Variants in VTI1A observed in about 807,000 individuals in gnomAD.
The protein encoded by VTI1A is vesicle transport through interaction with t-SNAREs homolog 1A.
VTI1A carries 22 observed loss-of-function variants against 34.9 expected under a neutral mutation model. The observed-to-expected ratio is 0.63, with a 90% CI of 0.45 to 0.90. The LOEUF (loss-of-function observed/expected upper bound fraction) is 0.90. Ranked by LOEUF, VTI1A falls within the 40% of genes least tolerant of loss-of-function variation. The pLI is 0.00. For synonymous variants in VTI1A, 87 were observed against 97.3 expected (o/e 0.89, Z 0.62); for missense variants, 268 against 275.6 (o/e 0.97, Z 0.20).
At chr10:112,631,077 C>T (rs952605216) in intron 5 of VTI1A, among the ~76,000 whole-genome samples, 4 of 151,782 alleles carry the variant, frequency 2.6e-5, no homozygotes, top group South Asian at 4.2e-4. Flanking sequence ...TGCAGTGAGC[C>T]GAGATCGCGC....
chr10:112,575,109 C>T (rs968192804), intron 5 of VTI1A, among the ~76,000 whole-genome samples: 1 of 152,222 alleles, frequency 6.6e-6, no homozygotes, highest in Non-Finnish European at 1.5e-5. Flanking sequence ...TCCATGACCA[C>T]AAGGACCTTG....
At chr10:112,652,718 C>T (rs935187113) in intron 5 of VTI1A, among the ~76,000 whole-genome samples, 2 of 50,452 alleles carry the variant, frequency 4.0e-5, no homozygotes, top group South Asian at 2.3e-3. Flanking sequence ...CAGAGTGAGA[C>T]CTTGTCTCAA....
intron 5 of VTI1A, among the ~76,000 whole-genome samples, chr10:112,665,095 C>G (rs1361707872): frequency 6.6e-6 from 1 of 152,128 alleles, no homozygotes; most frequent in Non-Finnish European, 1.5e-5. Context: ...TGGCTTAGGC[C>G]TCTGAGCTTG....
At chr10:112,813,792 G>T (rs929778277) in intron 7 of VTI1A, among the ~76,000 whole-genome samples, 1 of 152,184 alleles carries the variant, frequency 6.6e-6, no homozygotes, top group Non-Finnish European at 1.5e-5. Flanking sequence ...AGTGGGGAAG[G>T]GAAGAACTAA....
At chr10:112,781,012 T>C (rs1852106832) in intron 7 of VTI1A, among the ~76,000 whole-genome samples, 1 of 152,162 alleles carries the variant, frequency 6.6e-6, no homozygotes, top group African/African-American at 2.4e-5. Context: ...CAGGCTGATC[T>C]CGGCTCACTG....
chr10:112,821,889 T>C (rs1010065736), downstream of VTI1A, among the ~76,000 whole-genome samples: 1 of 152,130 alleles, frequency 6.6e-6, no homozygotes, highest in African/African-American at 2.4e-5. Context: ...GGTCAAGGCC[T>C]TGACCCTTTG....
chr10:112,458,631 AATAATT>A (rs1351941424), intron 1 of VTI1A, among the ~76,000 whole-genome samples: 1 of 151,100 alleles, frequency 6.6e-6, no homozygotes, highest in African/African-American at 2.4e-5. Context: ...GTTTTAGTGA[AATAATT>A]ATATATATAT....
chr10:112,637,937 C>G (rs562360322), intron 5 of VTI1A, among the ~76,000 whole-genome samples: 5 of 152,178 alleles, frequency 3.3e-5, no homozygotes, highest in Non-Finnish European at 5.9e-5. Flanking sequence ...ACTTGACACA[C>G]AATGCTTTGG....
intron 7 of VTI1A, among the ~76,000 whole-genome samples, chr10:112,753,211 TAATC>T (rs1851165596): frequency 6.6e-6 from 1 of 151,804 alleles, no homozygotes; most frequent in Admixed American, 6.6e-5. Context: ...TTTGAAAAAA[TAATC>T]CTTTGCCAGG....
In VTI1A at chr10:112,817,452, G is replaced by A. The variant is rs965269810; in HGVS notation, c.*2069G>A. 3.9e-5 allele frequency: 9 copies of A among 231,042 alleles called. No homozygotes were observed. The highest frequency in any genetic ancestry group is 7.7e-5 in the Non-Finnish European group (9 of 116,800). The allele number at this position is 231,042 out of a possible 1,614,324, so 14.3% of individuals were successfully genotyped here. On this transcript the variant is annotated 3_prime_UTR_variant, in exon 8 of 8. Coordinates refer to ENST00000393077, the MANE Select transcript of VTI1A (RefSeq NM_145206.4). ...CCTCTCAATAGCTTTTTTCGTTCAA[G>A]TTCTATGTCTTTATCAGCTCTTGCC...
At chr10:112,819,279 T>C (rs1008478472), downstream of VTI1A, among the ~76,000 whole-genome samples, 1 of 152,188 alleles carries the variant, frequency 6.6e-6, no homozygotes, top group African/African-American at 2.4e-5. Context: ...GCTAGCCTAG[T>C]GAGGCACTCC....
At chr10:112,662,536 C>T (rs1847498925) in intron 5 of VTI1A, among the ~76,000 whole-genome samples, 1 of 152,140 alleles carries the variant, frequency 6.6e-6, no homozygotes, top group African/African-American at 2.4e-5. Flanking sequence ...TTGATAAACT[C>T]GTATTTTCAC....
At chr10:112,470,303 G>A (rs1273108292) in intron 3 of VTI1A, among the ~76,000 whole-genome samples, 2 of 152,196 alleles carry the variant, frequency 1.3e-5, no homozygotes, top group Admixed American at 1.3e-4. Flanking sequence ...ATGCTAAAAT[G>A]AATTGACACT....
intron 7 of VTI1A, among the ~76,000 whole-genome samples, chr10:112,675,930 A>G (rs1848009979): frequency 6.6e-6 from 1 of 152,204 alleles, no homozygotes; most frequent in Non-Finnish European, 1.5e-5. Context: ...AGGGATAACA[A>G]TAGTCTTTAC....
chr10:112,491,019 A>G (rs1848803332), intron 3 of VTI1A, among the ~76,000 whole-genome samples: 1 of 151,402 alleles, frequency 6.6e-6, no homozygotes, highest in African/African-American at 2.4e-5. Flanking sequence ...GCTCTTTGAC[A>G]TACCACCTTT....
chr10:112,479,093 G>T (rs971625159), intron 3 of VTI1A, among the ~76,000 whole-genome samples: 1 of 152,178 alleles, frequency 6.6e-6, no homozygotes, highest in African/African-American at 2.4e-5. Context: ...CTTGAACCTG[G>T]GAGGCAGAGT....
At chr10:112,498,918 C>T (rs1022243438) in intron 3 of VTI1A, among the ~76,000 whole-genome samples, 1 of 152,122 alleles carries the variant, frequency 6.6e-6, no homozygotes, top group Non-Finnish European at 1.5e-5. Flanking sequence ...ATTTTCACCA[C>T]TGGGACTGAA....
chr10:112,712,408 A>G (rs555537136), intron 7 of VTI1A, among the ~76,000 whole-genome samples: 2 of 152,104 alleles, frequency 1.3e-5, no homozygotes, highest in Non-Finnish European at 2.9e-5. Context: ...TGCTAGGCCC[A>G]CAATAGAACT....
chr10:112,809,988 T>C (rs1853226913), intron 7 of VTI1A, among the ~76,000 whole-genome samples: 1 of 152,042 alleles, frequency 6.6e-6, no homozygotes, highest in African/African-American at 2.4e-5. Flanking sequence ...AACCTAAAAA[T>C]GCTTTTTGGT....
Sources: allele counts gnomAD v4.1 joint callset (sites outside exome capture counted in the v4.1 genomes callset), GRCh38; gene constraint gnomAD v4.1.1; transcripts MANE v1.5; gene names NCBI Gene and HGNC (gene_info 2026-07-23, HGNC 2026-07-21).